The following MARCHF1 variants were observed in gnomAD, a reference collection of about 807,000 sequenced individuals.
MARCHF1 encodes the protein membrane associated ring-CH-type finger 1.
In MARCHF1, 40 loss-of-function variants were observed where a neutral mutation model predicts 54.2. That is an observed-to-expected ratio of 0.74 (90% CI 0.57 to 0.96). The LOEUF (loss-of-function observed/expected upper bound fraction) is 0.96, where lower values mean the gene tolerates loss of function less well. MARCHF1 is among the 40% of genes least tolerant of loss of function. The pLI is 0.00. For synonymous variants in MARCHF1, 236 were observed against 236.3 expected (o/e 1.00, Z 0.01); for missense variants, 586 against 656.5 (o/e 0.89, Z 1.17).
intron 4 of MARCHF1, among the ~76,000 whole-genome samples, chr4:163,738,869 A>G (rs1333057042): frequency 1.3e-5 from 2 of 152,212 alleles, no homozygotes; most frequent in Non-Finnish European, 1.5e-5. Context: ...CTAAATTCTT[A>G]GGCCAGCAAC....
chr4:164,041,621 G>A (rs1336422818), intron 2 of MARCHF1, among the ~76,000 whole-genome samples: 1 of 152,088 alleles, frequency 6.6e-6, no homozygotes, highest in African/African-American at 2.4e-5. Context: ...CTCCCAATTA[G>A]CTAGAGTTGT....
chr4:164,085,393 C>T (rs74894069), intron 2 of MARCHF1, among the ~76,000 whole-genome samples: 118 of 151,854 alleles, frequency 7.8e-4, no homozygotes, highest in African/African-American at 2.6e-3. Flanking sequence ...ATTTTCAGCA[C>T]TTTAAAAAAC....
At chr4:163,663,347 C>G (rs1253999076) in intron 5 of MARCHF1, among the ~76,000 whole-genome samples, 1 of 151,938 alleles carries the variant, frequency 6.6e-6, no homozygotes, top group Non-Finnish European at 1.5e-5. Flanking sequence ...TGACCACCCC[C>G]CAGGGCAGCC....
chr4:163,649,395 A>T (rs971958609), intron 5 of MARCHF1, among the ~76,000 whole-genome samples: 2 of 152,092 alleles, frequency 1.3e-5, no homozygotes, highest in Non-Finnish European at 2.9e-5. Flanking sequence ...ATCGAAACAC[A>T]TTGTACAAAA....
chr4:163,635,885 G>C (rs928979213), intron 5 of MARCHF1, among the ~76,000 whole-genome samples: 1 of 152,110 alleles, frequency 6.6e-6, no homozygotes, highest in African/African-American at 2.4e-5. Flanking sequence ...ACATCAAAAA[G>C]CTTATCCACC....
At chr4:164,243,713 A>G (rs1367078254) in intron 1 of MARCHF1, among the ~76,000 whole-genome samples, 1 of 152,246 alleles carries the variant, frequency 6.6e-6, no homozygotes, top group African/African-American at 2.4e-5. Context: ...CAGGAAACCC[A>G]TCTCACGGGC....
At chr4:163,586,330 C>T (rs538162645) in intron 7 of MARCHF1, among the ~76,000 whole-genome samples, 3 of 152,110 alleles carry the variant, frequency 2.0e-5, no homozygotes, top group African/African-American at 7.2e-5. Flanking sequence ...GTTGAATCTC[C>T]AGGATATCTC....
intron 4 of MARCHF1, among the ~76,000 whole-genome samples, chr4:163,820,421 T>C (rs1748659491): frequency 6.6e-6 from 1 of 152,080 alleles, no homozygotes; most frequent in Admixed American, 6.6e-5. Context: ...CCTAGACTTT[T>C]TTCTTGGCCT....
At chr4:164,198,363 G>A (rs1317795109) in intron 1 of MARCHF1, among the ~76,000 whole-genome samples, 1 of 152,132 alleles carries the variant, frequency 6.6e-6, no homozygotes, top group Admixed American at 6.5e-5. Flanking sequence ...AAGTGGTAGA[G>A]GAATAAAATT....
intron 1 of MARCHF1, among the ~76,000 whole-genome samples, chr4:164,314,545 G>A (rs1304291575): frequency 6.6e-6 from 1 of 152,100 alleles, no homozygotes; most frequent in African/African-American, 2.4e-5. Flanking sequence ...ACTCACGCAG[G>A]CATACACTTG....
intron 4 of MARCHF1, among the ~76,000 whole-genome samples, chr4:163,769,727 A>G (rs1747099677): frequency 1.3e-5 from 2 of 152,202 alleles, no homozygotes; most frequent in Admixed American, 1.3e-4. Flanking sequence ...TATTAGCAGT[A>G]GCCGGGCACA....
At chr4:163,884,123 G>A (rs768626742) in intron 3 of MARCHF1, among the ~76,000 whole-genome samples, 1 of 152,106 alleles carries the variant, frequency 6.6e-6, no homozygotes, top group Non-Finnish European at 1.5e-5. Context: ...TTGATTGTTA[G>A]AGGTGCTCAA....
At chr4:164,166,220 A>T (rs1730375923) in intron 1 of MARCHF1, among the ~76,000 whole-genome samples, 1 of 151,946 alleles carries the variant, frequency 6.6e-6, no homozygotes, top group Non-Finnish European at 1.5e-5. Flanking sequence ...TTGTTTCTTC[A>T]TGCCTTTTCC....
intron 1 of MARCHF1, among the ~76,000 whole-genome samples, chr4:164,235,985 G>T (rs561031596): frequency 1.3e-5 from 2 of 152,204 alleles, no homozygotes; most frequent in East Asian, 3.9e-4. Flanking sequence ...GCATTGCTTA[G>T]GTGTTTGCGT....
chr4:163,697,739 A>G (rs1744680620), intron 5 of MARCHF1, among the ~76,000 whole-genome samples: 1 of 152,198 alleles, frequency 6.6e-6, no homozygotes, highest in Admixed American at 6.5e-5. Flanking sequence ...CATTATGAGT[A>G]ATACTATTAC....
intron 2 of MARCHF1, among the ~76,000 whole-genome samples, chr4:164,104,072 T>C (rs1318018058): frequency 6.6e-6 from 1 of 151,220 alleles, no homozygotes; most frequent in South Asian, 2.1e-4. Context: ...CAGGAAGAAG[T>C]TGAATCTCTG....
intron 3 of MARCHF1, among the ~76,000 whole-genome samples, chr4:163,985,753 A>C (rs1752850247): frequency 6.6e-6 from 1 of 152,208 alleles, no homozygotes; most frequent in Admixed American, 6.5e-5. Context: ...TTACAACTAA[A>C]TTCTTAATTC....
intron 3 of MARCHF1, among the ~76,000 whole-genome samples, chr4:163,887,194 A>T (rs779563740): frequency 3.3e-5 from 5 of 152,142 alleles, no homozygotes; most frequent in Non-Finnish European, 7.4e-5. Flanking sequence ...GTAAGAAAAG[A>T]AAGAGGTAGA....
chr4:163,700,397 C>T (rs1744769927), intron 5 of MARCHF1, among the ~76,000 whole-genome samples: 1 of 151,848 alleles, frequency 6.6e-6, no homozygotes, highest in Admixed American at 6.6e-5. Context: ...CCCAGCTACT[C>T]AGGAGGCTGA....
Sources: gnomAD v4.1 joint callset for allele counts (sites outside exome capture counted in the v4.1 genomes callset) on GRCh38, gnomAD v4.1.1 for gene constraint, MANE v1.5 for transcripts, NCBI Gene and HGNC (gene_info 2026-07-23, HGNC 2026-07-21) for gene names.